The following BNC2 variants were observed in gnomAD, a reference collection of about 807,000 sequenced individuals.
The protein encoded by BNC2 is zinc finger protein basonuclin-2.
A neutral mutation model predicts 76.3 loss-of-function variants in BNC2; 20 were observed. That is an observed-to-expected ratio of 0.26 (90% CI 0.18 to 0.38). The LOEUF is 0.38. BNC2 is among the 10% of genes least tolerant of loss of function. The pLI, the probability that BNC2 is intolerant of heterozygous loss-of-function variation, is 1.00. For missense variants in BNC2, 1,382 were observed against 1,399.8 expected (o/e 0.99, Z 0.20); for synonymous variants, 582 against 514.8 (o/e 1.13, Z -1.77).
At chr9:16,780,609 G>C (rs1361459828) in intron 1 of BNC2, among the ~76,000 whole-genome samples, 30 of 151,996 alleles carry the variant, frequency 2.0e-4, no homozygotes, top group Non-Finnish European at 4.4e-5. Context: ...TGTATATTAT[G>C]GGAATTACAT....
intron 3 of BNC2, among the ~76,000 whole-genome samples, chr9:16,623,207 C>T (rs554107866): frequency 2.0e-4 from 30 of 152,118 alleles, no homozygotes; most frequent in African/African-American, 7.0e-4. Context: ...TTCCAGTAAA[C>T]GAGACACAAA....
intron 5 of BNC2, among the ~76,000 whole-genome samples, chr9:16,540,485 T>A (rs1485887539): frequency 6.6e-6 from 1 of 152,182 alleles, no homozygotes; most frequent in Admixed American, 6.5e-5. Context: ...GGTCTCTATA[T>A]CTAAAACTTT....
At chr9:16,521,503 T>G (rs576358318) in intron 5 of BNC2, among the ~76,000 whole-genome samples, 2 of 152,308 alleles carry the variant, frequency 1.3e-5, no homozygotes, top group South Asian at 4.1e-4. Flanking sequence ...ATGGTTTACA[T>G]CATTAGAGAA....
chr9:16,601,789 T>C (rs1158961678), intron 3 of BNC2, among the ~76,000 whole-genome samples: 2 of 152,194 alleles, frequency 1.3e-5, no homozygotes, highest in East Asian at 3.9e-4. Flanking sequence ...CTCACTAATT[T>C]TTCAATACGC....
At chr9:16,612,582 A>G (rs1177747180) in intron 3 of BNC2, among the ~76,000 whole-genome samples, 1 of 152,216 alleles carries the variant, frequency 6.6e-6, no homozygotes, top group Non-Finnish European at 1.5e-5. Flanking sequence ...TATTTATCAA[A>G]TACCTACTAT....
chr9:16,431,766 T>C (rs1820912228), intron 6 of BNC2, among the ~76,000 whole-genome samples: 1 of 152,174 alleles, frequency 6.6e-6, no homozygotes, highest in Non-Finnish European at 1.5e-5. Flanking sequence ...AGTTTTGGGA[T>C]GATTCAATGA....
At chr9:16,678,755 G>A (rs1822735107) in intron 3 of BNC2, among the ~76,000 whole-genome samples, 1 of 151,034 alleles carries the variant, frequency 6.6e-6, no homozygotes, top group Non-Finnish European at 1.5e-5. Context: ...ATATACTTTG[G>A]AACCTACACA....
intron 1 of BNC2, among the ~76,000 whole-genome samples, chr9:16,844,246 G>C (rs1036622066): frequency 2.0e-4 from 31 of 151,846 alleles, no homozygotes; most frequent in African/African-American, 7.5e-4. Flanking sequence ...ATGGGTGTTT[G>C]CAAAAACGGG....
intron 5 of BNC2, among the ~76,000 whole-genome samples, chr9:16,485,066 T>G (rs1363391676): frequency 6.6e-6 from 1 of 151,584 alleles, no homozygotes; most frequent in East Asian, 1.9e-4. Flanking sequence ...ACATCATTCC[T>G]GTGCTTCCAG....
chr9:16,619,418 T>A (rs749250509), intron 3 of BNC2, among the ~76,000 whole-genome samples: 1 of 151,574 alleles, frequency 6.6e-6, no homozygotes, highest in Non-Finnish European at 1.5e-5. Context: ...ACCATAAAAA[T>A]CCAGTCCACA....
At chr9:16,824,755 G>C (rs887901440) in intron 1 of BNC2, among the ~76,000 whole-genome samples, 6 of 152,196 alleles carry the variant, frequency 3.9e-5, no homozygotes, top group African/African-American at 1.4e-4. Context: ...ACCTGTTTCA[G>C]GGGTTGCCAA....
chr9:16,634,629 G>C (rs1373437238), intron 3 of BNC2, among the ~76,000 whole-genome samples: 1 of 151,506 alleles, frequency 6.6e-6, no homozygotes, highest in Admixed American at 6.6e-5. Context: ...AGCCTTCCGA[G>C]TAGCTGGGGC....
chr9:16,649,122 T>C (rs572006691), intron 3 of BNC2, among the ~76,000 whole-genome samples: 21 of 152,222 alleles, frequency 1.4e-4, no homozygotes, highest in African/African-American at 4.8e-4. Flanking sequence ...TACAAAAATC[T>C]GTGCGCACAT....
chr9:16,784,978 G>A (rs930573021), intron 1 of BNC2, among the ~76,000 whole-genome samples: 13 of 152,200 alleles, frequency 8.5e-5, no homozygotes, highest in Non-Finnish European at 1.3e-4. Context: ...GTGAGACCCA[G>A]AGAATGGACA....
chr9:16,767,514 G>A (rs1220553582), intron 1 of BNC2, among the ~76,000 whole-genome samples: 4 of 150,092 alleles, frequency 2.7e-5, no homozygotes, highest in African/African-American at 9.8e-5. Context: ...TCAATGCTGA[G>A]GACAGAAATG....
At chr9:16,420,519 A>G (rs1820688226) in intron 6 of BNC2, among the ~76,000 whole-genome samples, 1 of 152,240 alleles carries the variant, frequency 6.6e-6, no homozygotes, top group African/African-American at 2.4e-5. Flanking sequence ...AACAGAAAGA[A>G]AACTCAGAGG....
intron 5 of BNC2, among the ~76,000 whole-genome samples, chr9:16,503,896 T>C (rs56679915): frequency 0.095 from 14,443 of 152,200 alleles, 2,008 homozygotes; most frequent in African/African-American, 0.31. Flanking sequence ...AACATATTTA[T>C]GGTGATAGTT....
chr9:16,692,836 G>T (rs1338104901), intron 3 of BNC2, among the ~76,000 whole-genome samples: 1 of 151,976 alleles, frequency 6.6e-6, no homozygotes, highest in African/African-American at 2.4e-5. Flanking sequence ...TAGTGTTAAA[G>T]ACTTCACTGG....
intron 5 of BNC2, among the ~76,000 whole-genome samples, chr9:16,538,177 C>T (rs990487177): frequency 6.6e-6 from 1 of 152,162 alleles, no homozygotes; most frequent in Admixed American, 6.5e-5. Flanking sequence ...CCTGAAGGTT[C>T]TTCTCACTGT....
Sources: gnomAD v4.1 joint callset for allele counts (sites outside exome capture counted in the v4.1 genomes callset) on GRCh38, gnomAD v4.1.1 for gene constraint, MANE v1.5 for transcripts, NCBI Gene and HGNC (gene_info 2026-07-23, HGNC 2026-07-21) for gene names.